The following SLC25A26 variants were observed in gnomAD, a reference collection of about 807,000 sequenced individuals.
The protein encoded by SLC25A26 is mitochondrial S-adenosylmethionine carrier protein.
A neutral mutation model predicts 37.8 loss-of-function variants in SLC25A26; 36 were observed. That is an observed-to-expected ratio of 0.95 (90% CI 0.73 to 1.26). SLC25A26 has a LOEUF of 1.26. Ranked by LOEUF, SLC25A26 falls within the 50% of genes most tolerant of loss-of-function variation. SLC25A26 has a pLI of 0.00. For missense variants in SLC25A26, 390 were observed against 331.1 expected, an observed-to-expected ratio of 1.18 and a Z score of -1.38; for synonymous variants, 129 against 122.5, an observed-to-expected ratio of 1.05 and a Z score of -0.35.
In SLC25A26 at chr3:66,236,682, A is replaced by G. The variant is rs1186102990; in HGVS notation, c.172A>G (p.Ile58Val). 5.3e-6 allele frequency: 8 copies of G among 1,521,098 alleles called. No homozygotes were observed. In the East Asian group the frequency reaches 1.7e-4, roughly 33 times the overall value. The allele number at this position is 1,521,098 out of a possible 1,614,324, so 94.2% of individuals were successfully genotyped here. Residue 58 changes from isoleucine to valine, a missense_variant, in exon 2 of 10, where the codon ATT (isoleucine) becomes GTT (valine). Physicochemically the swap from Ile to Val is conservative, Grantham distance 29. Transcript: ENST00000354883. ...ATATGCTGGCGTTCCTTCTGCTGCT[A>G]TTGGATCCTTTCCTAATGGTAAAAA... ...GIYAGVPSAA[I>V]GSFPNAAAFF...
At chr3:66,238,689 C>A (rs1483479162) in intron 2 of SLC25A26, among the ~76,000 whole-genome samples, 2 of 152,040 alleles carry the variant, frequency 1.3e-5, no homozygotes, top group South Asian at 2.1e-4. Flanking sequence ...TGTATTCTTA[C>A]AATCAGGTAA....
intron 1 of SLC25A26, among the ~76,000 whole-genome samples, chr3:66,205,555 T>C (rs934973224): frequency 5.9e-5 from 9 of 152,236 alleles, no homozygotes; most frequent in Admixed American, 5.9e-4. Context: ...GCCAGTGCTA[T>C]ATAAAATAGG....
At chr3:66,368,211 GTCCTGTTGCCCTTATAACAC>G in intron 7 of SLC25A26, among the ~76,000 whole-genome samples, 1 of 152,304 alleles carries the variant, frequency 6.6e-6, no homozygotes, top group East Asian at 1.9e-4. Flanking sequence ...ACACACGGGT[GTCCTGTTGCCCTTATAACAC>G]TGCCTCTTTA....
intron 1 of SLC25A26, among the ~76,000 whole-genome samples, chr3:66,196,978 A>T (rs1413434279): frequency 2.0e-5 from 3 of 152,236 alleles, no homozygotes; most frequent in Admixed American, 6.5e-5. Context: ...CTGATAATTT[A>T]ATAAATAAGG....
chr3:66,275,090 T>C (rs1455572140), intron 5 of SLC25A26, among the ~76,000 whole-genome samples: 1 of 152,092 alleles, frequency 6.6e-6, no homozygotes, highest in Non-Finnish European at 1.5e-5. Flanking sequence ...GATGAGTTAA[T>C]GTCCTTTGTA....
chr3:66,192,153 TA>T (rs2070955233), intron 1 of SLC25A26, among the ~76,000 whole-genome samples: 1 of 151,404 alleles, frequency 6.6e-6, no homozygotes, highest in African/African-American at 2.4e-5. Context: ...CCATCTCTAC[TA>T]AAAATACAAA....
At chr3:66,198,509 A>G (rs2071073369) in intron 1 of SLC25A26, among the ~76,000 whole-genome samples, 1 of 151,618 alleles carries the variant, frequency 6.6e-6, no homozygotes, top group African/African-American at 2.4e-5. Context: ...CTGACCCTGC[A>G]CCTGACCCTG....
intron 2 of SLC25A26, among the ~76,000 whole-genome samples, chr3:66,241,233 A>G (rs74197422): frequency 0.13 from 19,695 of 151,980 alleles, 2,904 homozygotes; most frequent in African/African-American, 0.35. Context: ...AACCCTACAC[A>G]TTGTGACTTA....
chr3:66,374,546 C>T (rs1559752391), intron 9 of SLC25A26, among the ~76,000 whole-genome samples: 1 of 152,168 alleles, frequency 6.6e-6, no homozygotes, highest in East Asian at 1.9e-4. Context: ...CCAGTGGCCT[C>T]TAAGTGTTGA....
At chr3:66,189,041 C>T (rs1023814825) in intron 1 of SLC25A26, among the ~76,000 whole-genome samples, 4,867 of 152,214 alleles carry the variant, frequency 0.032, 261 homozygotes, top group African/African-American at 0.11. Context: ...TCTAGATACA[C>T]ACATCATTTC....
intron 3 of SLC25A26, among the ~76,000 whole-genome samples, chr3:66,243,857 C>A (rs1295671105): frequency 2.6e-5 from 4 of 152,224 alleles, no homozygotes; most frequent in Admixed American, 1.3e-4. Context: ...CCAGCTCCCA[C>A]TGGTTCTTTT....
At chr3:66,247,466 C>T (rs909116240) in intron 3 of SLC25A26, among the ~76,000 whole-genome samples, 2 of 151,964 alleles carry the variant, frequency 1.3e-5, no homozygotes, top group African/African-American at 2.4e-5. Flanking sequence ...TGCCACTATG[C>T]CTGGCTAATT....
intron 5 of SLC25A26, among the ~76,000 whole-genome samples, chr3:66,338,542 AC>A (rs1327921277): frequency 1.3e-5 from 2 of 152,038 alleles, no homozygotes; most frequent in African/African-American, 4.8e-5. Flanking sequence ...AATTGCCACT[AC>A]CATAATCATA....
chr3:66,143,193 A>T (rs1176741301), intron 1 of SLC25A26, among the ~76,000 whole-genome samples: 1 of 152,104 alleles, frequency 6.6e-6, no homozygotes, highest in Non-Finnish European at 1.5e-5. Flanking sequence ...ATTATCCATT[A>T]TATCCATTGT....
At chr3:66,327,495 C>T (rs2075867022) in intron 5 of SLC25A26, among the ~76,000 whole-genome samples, 2 of 152,096 alleles carry the variant, frequency 1.3e-5, no homozygotes, top group African/African-American at 4.8e-5. Flanking sequence ...ATTTGTTAAC[C>T]AGTTCTCCAA....
At chr3:66,260,147 G>A (rs987138807) in intron 3 of SLC25A26, among the ~76,000 whole-genome samples, 3 of 152,028 alleles carry the variant, frequency 2.0e-5, no homozygotes, top group African/African-American at 7.2e-5. Flanking sequence ...CTGGGGGTTG[G>A]ACTAAATACC....
intron 1 of SLC25A26, among the ~76,000 whole-genome samples, chr3:66,207,099 AAT>A (rs1190476539): frequency 6.6e-6 from 1 of 151,628 alleles, no homozygotes; most frequent in Non-Finnish European, 1.5e-5. Context: ...TTTAAAACCT[AAT>A]ACGATATTTT....
chr3:66,217,031 C>T (rs1204437657), upstream of SLC25A26, among the ~76,000 whole-genome samples: 1 of 152,092 alleles, frequency 6.6e-6, no homozygotes, highest in African/African-American at 2.4e-5. Context: ...AAGCCTTTAC[C>T]TTGCATAAAA....
intron 5 of SLC25A26, among the ~76,000 whole-genome samples, chr3:66,323,674 C>T (rs939517361): frequency 1.3e-5 from 2 of 152,036 alleles, no homozygotes; most frequent in South Asian, 4.1e-4. Context: ...ATTAGCCGGG[C>T]CTAGTGGTGC....
Sources: allele counts gnomAD v4.1 joint callset (sites outside exome capture counted in the v4.1 genomes callset), GRCh38; gene constraint gnomAD v4.1.1; transcripts MANE v1.5; gene names NCBI Gene and HGNC (gene_info 2026-07-23, HGNC 2026-07-21).